LGR6: variants seen among roughly 807,000 people sequenced by gnomAD.
LGR6 encodes the protein leucine rich repeat containing G protein-coupled receptor 6.
Under a neutral mutation model 69.4 loss-of-function variants are expected in LGR6, and 45 were observed. That is an observed-to-expected ratio of 0.65 (90% CI 0.51 to 0.83). The LOEUF (loss-of-function observed/expected upper bound fraction) is 0.83, where lower values mean the gene tolerates loss of function less well. Among genes scored for constraint, LGR6 ranks in the 40% least tolerant of loss-of-function variants. The pLI is 0.00. For missense variants in LGR6, 1,108 were observed against 1,246.7 expected (o/e 0.89, Z 1.68); for synonymous variants, 538 against 555.0 (o/e 0.97, Z 0.43).
chr1:202,246,652 A>T (rs1232344113), intron 4 of LGR6, among the ~76,000 whole-genome samples: 1 of 151,982 alleles, frequency 6.6e-6, no homozygotes, highest in Non-Finnish European at 1.5e-5. Context: ...CATTCTGTGC[A>T]CTTAAAATTC....
At chr1:202,217,077 G>A (rs897029060) in intron 1 of LGR6, among the ~76,000 whole-genome samples, 1 of 152,232 alleles carries the variant, frequency 6.6e-6, no homozygotes, top group African/African-American at 2.4e-5. Context: ...CCTGCGATGG[G>A]CCTAAGTCCC....
chr1:202,201,019 G>A (rs1398493288), intron 1 of LGR6, among the ~76,000 whole-genome samples: 1 of 152,180 alleles, frequency 6.6e-6, no homozygotes. Flanking sequence ...ACAATCTTTT[G>A]TCTCCTCCAG....
At chr1:202,197,690 G>A (rs758069158) in intron 1 of LGR6, among the ~76,000 whole-genome samples, 4 of 151,718 alleles carry the variant, frequency 2.6e-5, no homozygotes, top group Non-Finnish European at 2.9e-5. Flanking sequence ...TCACATGTGA[G>A]CACGAAAACC....
intron 1 of LGR6, chr1:202,214,380 G>T: frequency 1.2e-6 from 1 of 869,498 alleles, no homozygotes; most frequent in South Asian, 2.0e-5. Flanking sequence ...TGGGAGCCGA[G>T]GCCGCCTCCC....
At chr1:202,299,259 C>CAAAA (rs940683421) in intron 7 of LGR6, among the ~76,000 whole-genome samples, 1 of 67,126 alleles carries the variant, frequency 1.5e-5, no homozygotes, top group African/African-American at 5.1e-5. Context: ...GACTCTGTCT[C>CAAAA]AAAAAAAAAA....
At chr1:202,281,073 G>A in intron 6 of LGR6, 1 of 532,900 alleles carries the variant, frequency 1.9e-6, no homozygotes, top group African/African-American at 2.0e-5. Context: ...CCCTCTGGGA[G>A]TTCAGAATGG....
intron 2 of LGR6, among the ~76,000 whole-genome samples, chr1:202,227,713 C>T (rs1223960575): frequency 6.6e-6 from 1 of 152,196 alleles, no homozygotes; most frequent in Non-Finnish European, 1.5e-5. Context: ...TTCTCCTAGC[C>T]TCAGTTTCCT....
chr1:202,233,085 C>A (rs1273955332), intron 3 of LGR6, among the ~76,000 whole-genome samples: 9 of 152,128 alleles, frequency 5.9e-5, no homozygotes, highest in Admixed American at 5.9e-4. Flanking sequence ...GATAATCAGG[C>A]TGTCTGGCAT....
chr1:202,318,670 G>C lies in LGR6; in HGVS notation c.2367G>C (p.Val789=), dbSNP rs757594417. 1 of 1,613,792 alleles carries C rather than the reference G, an allele frequency of 6.2e-7. No homozygotes were observed. The highest frequency in any genetic ancestry group is 8.5e-7 in the Non-Finnish European group (1 of 1,180,020). ...IFADGLLYCP[V]AFLSFASMLG... ...CAGACGGGCTCCTCTACTGTCCCGT[G>C]GCCTTCCTCAGCTTTGCCTCCATGC... Residue 789 remains valine, a synonymous_variant, in exon 18 of 18, where the codon GTG becomes GTC. Coordinates refer to ENST00000367278, the MANE Select transcript of LGR6 (RefSeq NM_001017403.2).
intron 4 of LGR6, among the ~76,000 whole-genome samples, chr1:202,248,745 C>T (rs1662973126): frequency 6.6e-6 from 1 of 152,172 alleles, no homozygotes; most frequent in Admixed American, 6.5e-5. Context: ...GCAATCTCTT[C>T]CCCAAGGAAA....
chr1:202,276,170 C>T (rs1435964830), intron 4 of LGR6, 136 bp from the exon 5 acceptor site: 3 of 662,912 alleles, frequency 4.5e-6, no homozygotes, highest in African/African-American at 1.8e-5. Flanking sequence ...ATACAGGATA[C>T]ATGGTGGCCA....
intron 1 of LGR6, 183 bp from the exon 2 acceptor site, chr1:202,225,240 G>A (rs1180087068): frequency 4.0e-5 from 23 of 576,764 alleles, no homozygotes. Context: ...CTGACTCCCA[G>A]CTCAGTTCTT....
At chr1:202,250,447 C>T (rs183653773) in intron 4 of LGR6, among the ~76,000 whole-genome samples, 2,415 of 151,358 alleles carry the variant, frequency 0.016, 74 homozygotes, top group African/African-American at 0.055. Flanking sequence ...ACTCTGTCAC[C>T]GAGGCTGGAG....
At chr1:202,195,356 G>A (rs1197679823) in intron 1 of LGR6, among the ~76,000 whole-genome samples, 1 of 152,208 alleles carries the variant, frequency 6.6e-6, no homozygotes, top group Admixed American at 6.5e-5. Flanking sequence ...GAGTGTCCTG[G>A]TGGGAGGTAG....
intron 4 of LGR6, among the ~76,000 whole-genome samples, chr1:202,259,369 A>G (rs1227101693): frequency 2.0e-5 from 3 of 152,192 alleles, no homozygotes; most frequent in Non-Finnish European, 4.4e-5. Context: ...GGAAAAATTT[A>G]CTGACAAATT....
chr1:202,200,106 G>T (rs1445828976), intron 1 of LGR6, among the ~76,000 whole-genome samples: 1 of 152,164 alleles, frequency 6.6e-6, no homozygotes, highest in African/African-American at 2.4e-5. Flanking sequence ...TGACTTTCAG[G>T]GAAACAGGCC....
At chr1:202,240,857 G>T (rs1422054342) in intron 4 of LGR6, among the ~76,000 whole-genome samples, 1 of 152,120 alleles carries the variant, frequency 6.6e-6, no homozygotes, top group African/African-American at 2.4e-5. Context: ...TTCCTCCAAG[G>T]GACTATTGTG....
intron 1 of LGR6, chr1:202,214,070 A>C (rs1418349796): frequency 1.5e-6 from 2 of 1,360,036 alleles, no homozygotes; most frequent in Non-Finnish European, 1.9e-6. Flanking sequence ...GGCATACGAG[A>C]GAAGCGGCAG....
At chr1:202,301,020 G>C in intron 8 of LGR6, 100 bp downstream of exon 8, 1 of 1,311,930 alleles carries the variant, frequency 7.6e-7, no homozygotes, top group Non-Finnish European at 1.1e-6. Flanking sequence ...AAGCACCAGG[G>C]AGGCAGAAGT....
Sources: allele counts gnomAD v4.1 joint callset (sites outside exome capture counted in the v4.1 genomes callset), GRCh38; gene constraint gnomAD v4.1.1; transcripts MANE v1.5; gene names NCBI Gene and HGNC (gene_info 2026-07-23, HGNC 2026-07-21).